Variants in NRXN1 observed in about 807,000 individuals in gnomAD.
NRXN1 encodes neurexin-1.
NRXN1 carries 39 observed loss-of-function variants against 150.9 expected under a neutral mutation model. That is an observed-to-expected ratio of 0.26 (90% CI 0.20 to 0.34). NRXN1 has a LOEUF of 0.34. Ranked by LOEUF, NRXN1 falls within the 10% of genes least tolerant of loss-of-function variation. The probability of loss-of-function intolerance (pLI) is 1.00; values close to 1 mark genes in which losing one functional copy is unlikely to be tolerated. For synonymous variants in NRXN1, 924 were observed against 757.0 expected (o/e 1.22, Z -3.62); for missense variants, 1,815 against 1,949.9 (o/e 0.93, Z 1.30).
At chr2:50,699,794 C>G (rs1693467553) in intron 5 of NRXN1, among the ~76,000 whole-genome samples, 2 of 152,048 alleles carry the variant, frequency 1.3e-5, no homozygotes, top group South Asian at 4.2e-4. Context: ...TTCTGACCTA[C>G]AGAAGTGTGA....
At chr2:50,897,072 T>C (rs935885423) in intron 5 of NRXN1, among the ~76,000 whole-genome samples, 2 of 152,172 alleles carry the variant, frequency 1.3e-5, no homozygotes, top group Admixed American at 1.3e-4. Flanking sequence ...AGCTACTATA[T>C]GGATTTTCAT....
At chr2:50,016,012 T>C (rs1322433649) in intron 21 of NRXN1, among the ~76,000 whole-genome samples, 1 of 152,166 alleles carries the variant, frequency 6.6e-6, no homozygotes, top group Non-Finnish European at 1.5e-5. Context: ...AAAATGTAAT[T>C]GTGAAGTGCA....
intron 8 of NRXN1, among the ~76,000 whole-genome samples, chr2:50,563,715 T>A (rs897304680): frequency 6.6e-6 from 1 of 152,158 alleles, no homozygotes; most frequent in Non-Finnish European, 1.5e-5. Context: ...AATTTATTGG[T>A]TTTCTTTGTA....
chr2:50,826,478 T>C (rs1369445095), intron 5 of NRXN1, among the ~76,000 whole-genome samples: 2 of 152,156 alleles, frequency 1.3e-5, no homozygotes, highest in Non-Finnish European at 2.9e-5. Flanking sequence ...TCTAGCCATC[T>C]TGCTACTAGA....
At chr2:50,462,045 G>A (rs1288036035) in intron 17 of NRXN1, among the ~76,000 whole-genome samples, 2 of 151,894 alleles carry the variant, frequency 1.3e-5, no homozygotes, top group African/African-American at 2.4e-5. Flanking sequence ...TGAGGTCCAC[G>A]AATTCCACAT....
At chr2:50,609,021 A>T (rs1478562058) in intron 8 of NRXN1, among the ~76,000 whole-genome samples, 1 of 152,142 alleles carries the variant, frequency 6.6e-6, no homozygotes, top group African/African-American at 2.4e-5. Context: ...GTCATCATTT[A>T]GGATAGCAAA....
chr2:50,313,084 A>T (rs1252022462), intron 17 of NRXN1, among the ~76,000 whole-genome samples: 1 of 152,104 alleles, frequency 6.6e-6, no homozygotes, highest in East Asian at 1.9e-4. Flanking sequence ...GAAGAGAGTG[A>T]TATTTCTATG....
chr2:50,850,648 T>C (rs1198230042), intron 5 of NRXN1, among the ~76,000 whole-genome samples: 1 of 152,176 alleles, frequency 6.6e-6, no homozygotes, highest in African/African-American at 2.4e-5. Flanking sequence ...TTTGATGAGA[T>C]TCATCACCTT....
intron 5 of NRXN1, among the ~76,000 whole-genome samples, chr2:50,690,035 C>T (rs1574111524): frequency 6.6e-6 from 1 of 151,934 alleles, no homozygotes; most frequent in South Asian, 2.1e-4. Flanking sequence ...TACAGGTGCC[C>T]GCCACTATGC....
At chr2:49,978,503 A>G (rs1400424501) in intron 21 of NRXN1, among the ~76,000 whole-genome samples, 1 of 152,138 alleles carries the variant, frequency 6.6e-6, no homozygotes, top group Non-Finnish European at 1.5e-5. Context: ...CTCTAATGCT[A>G]ATCCCCACAC....
chr2:50,113,903 A>G (rs1466384127), intron 18 of NRXN1, among the ~76,000 whole-genome samples: 3 of 152,158 alleles, frequency 2.0e-5, no homozygotes, highest in Non-Finnish European at 4.4e-5. Context: ...TTTATTGAGT[A>G]TCTCTATGTA....
rs1389884682 is a variant in NRXN1, at chr2:50,481,960, G to A, written c.3071-9489C>T. ...TTTTTTTGTATTTTTAGTAGAGACG[G>A]GGTTTCACCGTTTTAGCCGGGATGG... On this transcript the variant is annotated intron_variant, in intron 15 of 22. Transcript: ENST00000401669. Among the ~76,000 whole-genome samples the A allele has an allele frequency of 6.4e-5, 9 of 140,230 alleles. 1 individual carries two copies. Among genetic ancestry groups the A allele is most frequent in the Admixed American group, 2.7e-4 (4 of 14,728 alleles). The allele number at this position is 140,230 out of a possible 152,430, so 92.0% of individuals were successfully genotyped here.
intron 17 of NRXN1, among the ~76,000 whole-genome samples, chr2:50,372,096 G>A (rs527859335): frequency 6.6e-6 from 1 of 151,980 alleles, no homozygotes; most frequent in South Asian, 2.1e-4. Context: ...GTAAATTCCT[G>A]TTACATTTCT....
At chr2:50,460,706 C>T (rs2088100624) in intron 17 of NRXN1, among the ~76,000 whole-genome samples, 1 of 151,958 alleles carries the variant, frequency 6.6e-6, no homozygotes, top group Non-Finnish European at 1.5e-5. Context: ...CATTTTCTTA[C>T]TTAGTAGGAA....
intron 5 of NRXN1, among the ~76,000 whole-genome samples, chr2:50,858,274 T>G (rs1373379894): frequency 6.6e-6 from 1 of 152,088 alleles, no homozygotes; most frequent in African/African-American, 2.4e-5. Context: ...AAAATTTCTA[T>G]GAGGCTTTGA....
chr2:50,709,361 A>G (rs759031184), intron 5 of NRXN1, among the ~76,000 whole-genome samples: 42 of 152,300 alleles, frequency 2.8e-4, no homozygotes, highest in Non-Finnish European at 5.1e-4. Context: ...ATTACCAACA[A>G]TTATGATAAG....
At chr2:50,746,683 C>CT (rs1003347414) in intron 5 of NRXN1, among the ~76,000 whole-genome samples, 1 of 152,142 alleles carries the variant, frequency 6.6e-6, no homozygotes, top group African/African-American at 2.4e-5. Context: ...TTTTCCCTTT[C>CT]TTTTCATTGG....
intron 21 of NRXN1, among the ~76,000 whole-genome samples, chr2:49,998,950 T>A (rs976766510): frequency 6.6e-6 from 1 of 152,104 alleles, no homozygotes; most frequent in African/African-American, 2.4e-5. Context: ...AAGCAAGACA[T>A]TCCCAGTGTG....
intron 5 of NRXN1, among the ~76,000 whole-genome samples, chr2:50,724,378 A>G (rs1697055005): frequency 6.6e-6 from 1 of 152,180 alleles, no homozygotes; most frequent in Admixed American, 6.5e-5. Context: ...TTGGGTAAAT[A>G]TTTCTAGACT....
Sources: allele counts gnomAD v4.1 joint callset (sites outside exome capture counted in the v4.1 genomes callset), GRCh38; gene constraint gnomAD v4.1.1; transcripts MANE v1.5; gene names NCBI Gene and HGNC (gene_info 2026-07-23, HGNC 2026-07-21).